The following PRKCB variants were observed in gnomAD, a reference collection of about 807,000 sequenced individuals.
PRKCB encodes protein kinase C beta type.
In PRKCB, 13 loss-of-function variants were observed where a neutral mutation model predicts 81.5. The ratio of observed to expected loss-of-function variants is 0.16; its 90% CI spans 0.10 to 0.25. PRKCB has a LOEUF of 0.25. Ranked by LOEUF, PRKCB falls within the 10% of genes least tolerant of loss-of-function variation. The pLI is 1.00. For missense variants in PRKCB, 509 were observed against 875.7 expected (o/e 0.58, Z 5.29); for synonymous variants, 335 against 321.4 (o/e 1.04, Z -0.45).
At chr16:24,207,030 A>T (rs1355048291) in intron 16 of PRKCB, among the ~76,000 whole-genome samples, 1 of 152,240 alleles carries the variant, frequency 6.6e-6, no homozygotes, top group African/African-American at 2.4e-5. Flanking sequence ...TCCTGGGCTC[A>T]AGTAATCCTC....
chr16:24,060,114 T>C (rs550473644), intron 5 of PRKCB, among the ~76,000 whole-genome samples: 1 of 152,114 alleles, frequency 6.6e-6, no homozygotes, highest in African/African-American at 2.4e-5. Context: ...TGCCTGGGAA[T>C]AGGGATAGGA....
At chr16:23,871,210 T>C (rs558050394) in intron 2 of PRKCB, among the ~76,000 whole-genome samples, 1 of 152,308 alleles carries the variant, frequency 6.6e-6, no homozygotes, top group African/African-American at 2.4e-5. Flanking sequence ...AGCAAGGGTG[T>C]GGCTCTAGGG....
At chr16:23,877,086 G>A (rs566601651) in intron 2 of PRKCB, among the ~76,000 whole-genome samples, 1 of 152,190 alleles carries the variant, frequency 6.6e-6, no homozygotes, top group South Asian at 2.1e-4. Flanking sequence ...AGGAAGCAGG[G>A]ACTAATGACT....
At chr16:24,030,257 T>C (rs933662940) in intron 3 of PRKCB, among the ~76,000 whole-genome samples, 1 of 152,146 alleles carries the variant, frequency 6.6e-6, no homozygotes, top group African/African-American at 2.4e-5. Context: ...CTAAAACCAA[T>C]TCTGTGAGGA....
At chr16:24,160,190 G>GTT (rs11305626) in intron 10 of PRKCB, among the ~76,000 whole-genome samples, 25 of 115,268 alleles carry the variant, frequency 2.2e-4, no homozygotes, top group South Asian at 3.0e-4. Context: ...CCCTTTGGGT[G>GTT]TTTTTTTTTT....
At chr16:23,965,602 T>C (rs1228636979) in intron 2 of PRKCB, among the ~76,000 whole-genome samples, 2 of 152,222 alleles carry the variant, frequency 1.3e-5, no homozygotes, top group African/African-American at 2.4e-5. Flanking sequence ...TCGGCCGCAT[T>C]GTAGAGATGA....
chr16:23,841,205 A>G (rs1962258076), intron 2 of PRKCB, among the ~76,000 whole-genome samples: 1 of 151,870 alleles, frequency 6.6e-6, no homozygotes, highest in Non-Finnish European at 1.5e-5. Context: ...TCAGCCTCCC[A>G]GGTTGCTGGG....
intron 5 of PRKCB, among the ~76,000 whole-genome samples, chr16:24,068,139 G>A (rs1395090508): frequency 2.6e-5 from 4 of 152,098 alleles, no homozygotes; most frequent in Admixed American, 6.5e-5. Context: ...ACTTGCCAGG[G>A]CCCTCCTTTT....
chr16:24,123,806 C>A, intron 8 of PRKCB, 29 bp from the exon 9 acceptor site: 1 of 1,611,596 alleles, frequency 6.2e-7, no homozygotes, highest in Admixed American at 1.7e-5. Flanking sequence ...AAACCCTGAG[C>A]ATGTTTTCTG....
chr16:23,979,728 T>C (rs1412556947), intron 2 of PRKCB, among the ~76,000 whole-genome samples: 2 of 151,824 alleles, frequency 1.3e-5, no homozygotes, highest in African/African-American at 2.4e-5. Context: ...GAGTTGAGAG[T>C]GTGGGCTCTA....
chr16:24,131,840 A>C (rs892254415), intron 9 of PRKCB, among the ~76,000 whole-genome samples: 4 of 152,182 alleles, frequency 2.6e-5, no homozygotes, highest in African/African-American at 9.7e-5. Flanking sequence ...AACTGTCATA[A>C]AATCTTACAC....
intron 2 of PRKCB, among the ~76,000 whole-genome samples, chr16:23,917,930 C>T (rs995276266): frequency 4.6e-5 from 7 of 152,196 alleles, no homozygotes; most frequent in African/African-American, 1.7e-4. Flanking sequence ...ACGCATTTCA[C>T]ATTTGGTTTC....
chr16:24,180,706 TG>T (rs1213009767), intron 12 of PRKCB, 83 bp from the exon 13 acceptor site: 4 of 1,495,990 alleles, frequency 2.7e-6, no homozygotes, highest in Admixed American at 1.7e-5. Context: ...CCTAACACAG[TG>T]TTTTATGCAT....
Position 24,059,843 on chromosome 16 carries a change from G to A in PRKCB, c.529+24296G>A, listed in dbSNP as rs142903735. Among the ~76,000 whole-genome samples, 288 of 152,292 alleles carry A rather than the reference G, an allele frequency of 1.9e-3. 2 individuals are homozygous for A. The highest frequency in any genetic ancestry group is 6.8e-3 in the Middle Eastern group (2 of 294). ...AACACGAGGCTAAGAATTGAACAGAGTCACTGGATTTGGTCATTTAACTTA... is the reference window on the plus strand; with the variant it reads ...AACACGAGGCTAAGAATTGAACAGAATCACTGGATTTGGTCATTTAACTTA... On this transcript the variant is annotated intron_variant, in intron 5 of 16. Coordinates refer to ENST00000643927, the MANE Select transcript of PRKCB (RefSeq NM_002738.7).
intron 2 of PRKCB, among the ~76,000 whole-genome samples, chr16:23,903,640 A>G (rs1330093822): frequency 6.6e-6 from 1 of 152,160 alleles, no homozygotes; most frequent in Admixed American, 6.5e-5. Flanking sequence ...AATGCCGGAG[A>G]GGGGAAAGCA....
chr16:24,010,687 A>C (rs891307237), intron 3 of PRKCB, among the ~76,000 whole-genome samples: 1 of 152,126 alleles, frequency 6.6e-6, no homozygotes, highest in Admixed American at 6.5e-5. Context: ...CTTCGTGTCC[A>C]GTGAGATCTG....
intron 2 of PRKCB, among the ~76,000 whole-genome samples, chr16:23,876,857 C>T (rs564519608): frequency 6.6e-6 from 1 of 152,228 alleles, no homozygotes; most frequent in Admixed American, 6.5e-5. Flanking sequence ...TTTTCTGAGA[C>T]CTAAGTGACA....
chr16:23,921,186 A>G (rs1489710876), intron 2 of PRKCB, among the ~76,000 whole-genome samples: 1 of 152,198 alleles, frequency 6.6e-6, no homozygotes, highest in African/African-American at 2.4e-5. Flanking sequence ...GCCACAGCCA[A>G]ACCATATCAC....
At chr16:24,109,473 G>A (rs1439856255) in intron 7 of PRKCB, among the ~76,000 whole-genome samples, 6 of 115,616 alleles carry the variant, frequency 5.2e-5, no homozygotes, top group Non-Finnish European at 8.6e-5. Context: ...CAGACGGGGC[G>A]GCGGGGCAGA....
Sources: gnomAD v4.1 joint callset for allele counts (sites outside exome capture counted in the v4.1 genomes callset) on GRCh38, gnomAD v4.1.1 for gene constraint, MANE v1.5 for transcripts, NCBI Gene and HGNC (gene_info 2026-07-23, HGNC 2026-07-21) for gene names.